BORCS8: variants seen among roughly 807,000 people sequenced by gnomAD.
BORCS8 encodes BLOC-1-related complex subunit 8.
BORCS8 carries 13 observed loss-of-function variants against 18.7 expected under a neutral mutation model. That is an observed-to-expected ratio of 0.70 (90% CI 0.45 to 1.11). The LOEUF (loss-of-function observed/expected upper bound fraction) is 1.11, where lower values mean the gene tolerates loss of function less well. Among genes scored for constraint, BORCS8 ranks in the 50% least tolerant of loss-of-function variants. The pLI, the probability that BORCS8 is intolerant of heterozygous loss-of-function variation, is 0.00. For missense variants in BORCS8, 165 were observed against 165.7 expected (o/e 1.00, Z 0.02); for synonymous variants, 68 against 64.8 (o/e 1.05, Z -0.24).
At chr19:19,188,456 C>A (rs1189639388) in intron 1 of BORCS8, among the ~76,000 whole-genome samples, 1 of 152,120 alleles carries the variant, frequency 6.6e-6, no homozygotes, top group Non-Finnish European at 1.5e-5. Context: ...CTGTGCCTGG[C>A]CCCCAGTGAA....
intron 1 of BORCS8, among the ~76,000 whole-genome samples, chr19:19,188,029 AT>A (rs1281359323): frequency 6.7e-6 from 1 of 150,158 alleles, no homozygotes; most frequent in Non-Finnish European, 1.5e-5. Flanking sequence ...TTATTTATTT[AT>A]TTATTTATTA....
rs1363418092 is a variant in BORCS8 at position 19,182,745 on chromosome 19, A to G, written c.216-62T>C. 5 of 1,492,750 alleles carry G rather than the reference A, an allele frequency of 3.3e-6. No individual in the cohort carries two copies. Among genetic ancestry groups the G allele is most frequent in the Non-Finnish European group, 3.6e-6 (4 of 1,116,008 alleles). 92.5% of individuals were successfully genotyped at this position (1,492,750 alleles called of 1,614,324 possible). A position where few individuals can be genotyped will look rare whatever the true frequency, so the allele number is the denominator to read the frequency against. On this transcript the variant is annotated intron_variant, in intron 3 of 5. Coordinates refer to ENST00000462790, the MANE Select transcript of BORCS8 (RefSeq NM_001145784.2). The surrounding 1 kb of genome is among the most constrained non-coding windows in gnomAD (Gnocchi z 4.1). ...CCTGCAGGTAACTGTCCCACACCCC[A>G]GCACTTGAGGTCACCACCAGGGCTC...
At chr19:19,186,572 T>C (rs1389028045) in intron 2 of BORCS8, among the ~76,000 whole-genome samples, 4 of 152,230 alleles carry the variant, frequency 2.6e-5, no homozygotes, top group Non-Finnish European at 4.4e-5. Flanking sequence ...TGGGCACTCA[T>C]ACTTCTCCTT....
At chr19:19,186,820 G>T in intron 2 of BORCS8, 73 bp downstream of exon 2, 2 of 1,122,238 alleles carry the variant, frequency 1.8e-6, no homozygotes, top group Non-Finnish European at 2.5e-6. Flanking sequence ...GCCACCACAT[G>T]CCTCCTTGCT....
At chr19:19,187,199 G>T (rs1000011633) in intron 1 of BORCS8, among the ~76,000 whole-genome samples, 194 bp from the exon 2 acceptor site, 1 of 152,156 alleles carries the variant, frequency 6.6e-6, no homozygotes, top group African/African-American at 2.4e-5. Context: ...TAATGAGACC[G>T]GGTGCGGTGG....
At chr19:19,180,534 A>T (rs1027027241) in intron 5 of BORCS8, 152 bp downstream of exon 5, 1 of 650,408 alleles carries the variant, frequency 1.5e-6, no homozygotes, top group African/African-American at 1.8e-5. Flanking sequence ...GGACCTGCAG[A>T]CACCCCTCCA....
chr19:19,180,551 A>G, intron 5 of BORCS8, 135 bp downstream of exon 5: 1 of 684,710 alleles, frequency 1.5e-6, no homozygotes, highest in Non-Finnish European at 2.6e-6. Flanking sequence ...TCCACCTGCC[A>G]CCTCCGAAAT....
intron 5 of BORCS8, 168 bp downstream of exon 5, chr19:19,180,518 C>G: frequency 1.6e-6 from 1 of 626,766 alleles, no homozygotes; most frequent in East Asian, 2.8e-5. Flanking sequence ...CAGGGTGGAA[C>G]ATTCTGGACC....
Position 19,187,024 on chromosome 19 carries a change from G to A in BORCS8, c.38-19C>T. ...TCCGTGACTAGATACAGGTGGTAGG[G>A]ATGGGGCGGGTGTGGGGAGACAAAG... On this transcript the variant is annotated intron_variant, in intron 1 of 5. Transcript: ENST00000462790. The A allele has an allele frequency of 6.5e-7, 1 of 1,536,608 alleles. No individual in the cohort carries two copies. The highest frequency in any genetic ancestry group is 8.8e-7 in the Non-Finnish European group (1 of 1,134,658).
rs566664008 is a variant in BORCS8 at position 19,188,191 on chromosome 19, G to A, written c.38-1186C>T. Among the ~76,000 whole-genome samples, 38 of 151,866 alleles carry A rather than the reference G, an allele frequency of 2.5e-4. 1 individual carries two copies. In the South Asian group the frequency reaches 5.4e-3, roughly 22 times the overall value. ...ACTACAGGCACCCGCCACCACGCCC[G>A]GCTAACTTTTTGTATTTTTTAGTAG... On this transcript the variant is annotated intron_variant, in intron 1 of 5. Coordinates refer to ENST00000462790, the MANE Select transcript of BORCS8 (RefSeq NM_001145784.2).
intron 1 of BORCS8, among the ~76,000 whole-genome samples, chr19:19,191,076 G>A (rs1432120973): frequency 6.6e-6 from 1 of 152,094 alleles, no homozygotes; most frequent in Non-Finnish European, 1.5e-5. Flanking sequence ...GGATTAGCTG[G>A]GTGCAGTGGT....
intron 3 of BORCS8, among the ~76,000 whole-genome samples, chr19:19,184,305 C>CTTTTT (rs900454275): frequency 6.5e-5 from 7 of 108,514 alleles, no homozygotes; most frequent in East Asian, 2.5e-4. Context: ...TTTTTCCTTT[C>CTTTTT]TTTTTTTTTT....
rs1035735220 is a variant in BORCS8, at chr19:19,182,796, G to T, written c.216-113C>A. On this transcript the variant is annotated intron_variant, in intron 3 of 5. Transcript: ENST00000462790. This position sits in a 1 kb window ranked among gnomAD's most constrained non-coding sequence, Gnocchi z 4.1. ...GGTGGGTACCTCAGTGATTCTGCGG[G>T]CTTCCCGAAGGACTCACAGTGGGCT... 1 of 1,363,200 alleles carries T rather than the reference G, an allele frequency of 7.3e-7. No individual in the cohort carries two copies. Among genetic ancestry groups the T allele is most frequent in the Non-Finnish European group, 9.7e-7 (1 of 1,030,742 alleles). 84.4% of individuals were successfully genotyped at this position (1,363,200 alleles called of 1,614,324 possible).
intron 1 of BORCS8, among the ~76,000 whole-genome samples, chr19:19,188,639 A>C (rs921234105): frequency 1.3e-5 from 2 of 152,098 alleles, no homozygotes; most frequent in Non-Finnish European, 2.9e-5. Flanking sequence ...GCCACTCACC[A>C]GTGAGAGATA....
chr19:19,182,172 C>G lies in BORCS8; in HGVS notation c.326+401G>C. The G allele has an allele frequency of 2.1e-6, 1 of 484,144 alleles. No individual in the cohort carries two copies. The highest frequency in any genetic ancestry group is 2.7e-6 in the Non-Finnish European group (1 of 368,334). 30.0% of individuals were successfully genotyped at this position (484,144 alleles called of 1,614,324 possible). On this transcript the variant is annotated intron_variant, in intron 4 of 5. Coordinates refer to ENST00000462790, the MANE Select transcript of BORCS8 (RefSeq NM_001145784.2). The surrounding 1 kb of genome is among the most constrained non-coding windows in gnomAD (Gnocchi z 4.1). ...AGAGCGTCTGCCCTCACCACTGCCC[C>G]ACATGGAACTCCGTCTGCCCCCGGA...
rs1341355010 is a variant in BORCS8, at chr19:19,182,399, TAA to T, written c.326+172_326+173del. The T allele has an allele frequency of 2.1e-6, 3 of 1,408,730 alleles. No individual in the cohort carries two copies. The highest frequency in any genetic ancestry group is 1.9e-6 in the Non-Finnish European group (2 of 1,080,978). 87.3% of individuals were successfully genotyped at this position (1,408,730 alleles called of 1,614,324 possible). A position where few individuals can be genotyped will look rare whatever the true frequency, so the allele number is the denominator to read the frequency against. Reference sequence around the variant, plus strand: ...ACAGCAGAGCGCAGGACCTCGGTATTAAGTGACTGAACTCAGGTTATAGATGC... The same window carrying T: ...ACAGCAGAGCGCAGGACCTCGGTATTGTGACTGAACTCAGGTTATAGATGC... On this transcript the variant is annotated intron_variant, in intron 4 of 5. Transcript: ENST00000462790. This position sits in a 1 kb window ranked among gnomAD's most constrained non-coding sequence, Gnocchi z 4.1.
At chr19:19,181,811 C>T (rs552339244) in intron 4 of BORCS8, 1 of 970,236 alleles carries the variant, frequency 1.0e-6, no homozygotes, top group African/African-American at 1.8e-5. Context: ...GACAGGCCTG[C>T]CAGAACCCCA....
chr19:19,177,752 AGAAAGGAAGAAAGAAAG>A (rs2060313912), intron 5 of BORCS8: 1 of 161,834 alleles, frequency 6.2e-6, no homozygotes, highest in African/African-American at 2.6e-5. Flanking sequence ...AGAAAAGAAA[AGAAAGGAAGAAAGAAAG>A]GGAGACCCAG....
rs2060337077 is a variant in BORCS8, at chr19:19,180,449, G to C, written c.*42+237C>G. Reference sequence around the variant, plus strand: ...AGCATGGGGCCTATGGCCTGGAAAAGAGAGAGGAAGGTGGTGGAGAGAGAG... The same window carrying C: ...AGCATGGGGCCTATGGCCTGGAAAACAGAGAGGAAGGTGGTGGAGAGAGAG... On this transcript the variant is annotated intron_variant, in intron 5 of 5. Coordinates refer to ENST00000462790, the MANE Select transcript of BORCS8 (RefSeq NM_001145784.2). 3 of 575,200 alleles carry C rather than the reference G, an allele frequency of 5.2e-6. No individual in the cohort carries two copies. In the South Asian group the frequency reaches 6.0e-5, roughly 12 times the overall value. The allele number at this position is 575,200 out of a possible 1,614,324, so 35.6% of individuals were successfully genotyped here. A position where few individuals can be genotyped will look rare whatever the true frequency, so the allele number is the denominator to read the frequency against.
Sources: gnomAD v4.1 joint callset for allele counts (sites outside exome capture counted in the v4.1 genomes callset) on GRCh38, gnomAD v4.1.1 for gene constraint, Gnocchi (gnomAD v3.1) non-coding constraint, MANE v1.5 for transcripts, NCBI Gene and HGNC (gene_info 2026-07-23, HGNC 2026-07-21) for gene names.